TRIP12: variants seen among roughly 807,000 people sequenced by gnomAD.
TRIP12 encodes E3 ubiquitin-protein ligase TRIP12.
Under a neutral mutation model 244.2 loss-of-function variants are expected in TRIP12, and 25 were observed. The ratio of observed to expected loss-of-function variants is 0.10; its 90% CI spans 0.07 to 0.14. The LOEUF (loss-of-function observed/expected upper bound fraction) is 0.14. TRIP12 is among the 10% of genes least tolerant of loss of function. TRIP12 has a pLI of 1.00. For missense variants in TRIP12, 1,677 were observed against 2,486.4 expected, an observed-to-expected ratio of 0.67 and a Z score of 6.92; for synonymous variants, 905 against 873.1, an observed-to-expected ratio of 1.04 and a Z score of -0.64.
intron 4 of TRIP12, among the ~76,000 whole-genome samples, chr2:229,850,748 C>A (rs2058506132): frequency 6.6e-6 from 1 of 152,352 alleles, no homozygotes; most frequent in African/African-American, 2.4e-5. Flanking sequence ...GGGGGCTGCA[C>A]CCGGCGCTTG....
chr2:229,809,515 G>C (rs2046737928), intron 15 of TRIP12, among the ~76,000 whole-genome samples: 1 of 152,166 alleles, frequency 6.6e-6, no homozygotes, highest in African/African-American at 2.4e-5. Flanking sequence ...TCCCAAACTA[G>C]TATTTAGGGA....
intron 4 of TRIP12, among the ~76,000 whole-genome samples, chr2:229,856,478 A>C (rs1440168037): frequency 6.6e-6 from 1 of 152,216 alleles, no homozygotes; most frequent in African/African-American, 2.4e-5. Context: ...TCAAGTTAAC[A>C]GACTATATAA....
Position 229,803,564 on chromosome 2 carries a change from A to G in TRIP12, c.2998+7T>C, listed in dbSNP as rs1482504978. On this transcript the variant is annotated splice_region_variant and intron_variant, in intron 20 of 41. Transcript: ENST00000675903. ...GACTAAATGACTATTAATTTATATG[A>G]CATTACCTTCTCTTCTGAAGTAAAC... is the stretch of plus-strand genomic sequence containing the variant. The G allele has an allele frequency of 2.6e-6, 4 of 1,553,800 alleles. No individual in the cohort carries two copies. Among genetic ancestry groups the G allele is most frequent in the African/African-American group, 2.7e-5 (2 of 73,248 alleles).
intron 41 of TRIP12, among the ~76,000 whole-genome samples, chr2:229,768,271 A>G (rs1303543455): frequency 6.6e-6 from 1 of 152,220 alleles, no homozygotes; most frequent in Non-Finnish European, 1.5e-5. Flanking sequence ...TCAAAAAACA[A>G]AACAAAAACA....
intron 8 of TRIP12, among the ~76,000 whole-genome samples, chr2:229,827,853 T>C (rs2052165399): frequency 6.6e-6 from 1 of 152,176 alleles, no homozygotes; most frequent in Non-Finnish European, 1.5e-5. Context: ...ATTAGTGTTA[T>C]TATAGTTAGG....
intron 4 of TRIP12, among the ~76,000 whole-genome samples, chr2:229,841,585 A>G (rs2056433463): frequency 6.6e-6 from 1 of 152,202 alleles, no homozygotes; most frequent in Non-Finnish European, 1.5e-5. Flanking sequence ...AACAATAAGA[A>G]AGCCAAGACA....
At chr2:229,793,227 C>T (rs1324942741) in intron 26 of TRIP12, 82 bp from the exon 27 acceptor site, 1 of 1,385,900 alleles carries the variant, frequency 7.2e-7, no homozygotes, top group Non-Finnish European at 9.7e-7. Context: ...CAAGTTAATA[C>T]AAACTGCATT....
chr2:229,916,401 A>G (rs2075378088), intron 1 of TRIP12, among the ~76,000 whole-genome samples: 1 of 152,178 alleles, frequency 6.6e-6, no homozygotes, highest in South Asian at 2.1e-4. Context: ...ATCAAGCATA[A>G]CCATGATAGC....
At chr2:229,922,591 A>G (rs1305044394), upstream of TRIP12, 2 of 1,614,004 alleles carry the variant, frequency 1.2e-6, no homozygotes, top group Non-Finnish European at 1.7e-6. Context: ...ATTACCAGTT[A>G]CTGGTCACCC....
At chr2:229,799,434 T>A in intron 21 of TRIP12, 51 bp from the exon 22 acceptor site, 1 of 1,517,406 alleles carries the variant, frequency 6.6e-7, no homozygotes, top group East Asian at 2.3e-5. Context: ...CTGTTTTATA[T>A]CTTCACTCAC....
At chr2:229,805,689 G>C (rs1158830918) in intron 18 of TRIP12, 41 bp downstream of exon 18, 9 of 1,458,770 alleles carry the variant, frequency 6.2e-6, no homozygotes, top group Non-Finnish European at 7.4e-6. Flanking sequence ...ACAAAATATT[G>C]CACAATAGTA....
At position 229,904,748 on chromosome 2, in the gene TRIP12, C is replaced by T. The variant is rs527287262; in HGVS notation, c.-50+17132G>A. On this transcript the variant is annotated intron_variant, in intron 1 of 41. Coordinates refer to ENST00000675903, the MANE Select transcript of TRIP12 (RefSeq NM_001348323.3). ...AAAGCATAAGTTTTAAAAAGTCATT[C>T]GCTACATGTTACGTGACACCCTGGA... 4.6e-5 allele frequency among the ~76,000 whole-genome samples: 7 copies of T among 152,132 alleles called. No individual in the cohort carries two copies. The South Asian group carries it at 6.2e-4, about 14-fold the overall frequency.
chr2:229,814,417 G>C (rs930944169), intron 11 of TRIP12, 92 bp from the exon 12 acceptor site: 2 of 1,235,206 alleles, frequency 1.6e-6, no homozygotes, highest in African/African-American at 3.0e-5. Flanking sequence ...TTACATCCAT[G>C]TATACTATCT....
chr2:229,839,492 A>G (rs913078165), intron 5 of TRIP12, among the ~76,000 whole-genome samples: 14 of 152,044 alleles, frequency 9.2e-5, no homozygotes, highest in Admixed American at 8.5e-4. Flanking sequence ...CCCGGTTAAC[A>G]TGGTGAAAAC....
intron 25 of TRIP12, 24 bp from the exon 26 acceptor site, chr2:229,795,354 G>A: frequency 6.3e-7 from 1 of 1,592,092 alleles, no homozygotes; most frequent in Non-Finnish European, 8.6e-7. Flanking sequence ...TAAACAAACA[G>A]GTTAAACAAA....
chr2:229,920,968 T>A (rs77037864), intron 1 of TRIP12, among the ~76,000 whole-genome samples: 10 of 152,142 alleles, frequency 6.6e-5, no homozygotes, highest in African/African-American at 1.7e-4. Context: ...ATAAATAAAT[T>A]AATCGCCTGA....
chr2:229,796,577 A>G lies in TRIP12; in HGVS notation c.3816+14T>C. ...GATTCTTAAAAGATACACAGGCATT[A>G]TTAGATAACTTACTGGAGAAGAAAA... On this transcript the variant is annotated intron_variant, in intron 25 of 41. Transcript: ENST00000675903. 1 of 1,565,600 alleles carries G rather than the reference A, an allele frequency of 6.4e-7. No homozygotes were observed. Among genetic ancestry groups the G allele is most frequent in the South Asian group, 1.2e-5 (1 of 81,710 alleles).
At position 229,798,947 on chromosome 2, in the gene TRIP12, A is replaced by G. The variant is rs1231934651; in HGVS notation, c.3410T>C (p.Ile1137Thr). ...ACCTCCCGCAGTCCGTGCTGGCTCA[A>G]TGTTGTTGCTGTTGGACTGTGTACT... ...RLSTQSNSNNIEPARTAGGSG... is the reference protein window; with the variant it reads ...RLSTQSNSNNTEPARTAGGSG... The change falls in exon 23 of 42, where the codon ATT (isoleucine) becomes ACT (threonine). Residue 1137 changes from isoleucine (I) to threonine (T), a missense_variant. Physicochemically the swap from Ile to Thr is moderately conservative, Grantham distance 89. Transcript: ENST00000675903. 2 of 1,614,064 alleles carry G rather than the reference A, an allele frequency of 1.2e-6. No individual in the cohort carries two copies. Among genetic ancestry groups the G allele is most frequent in the Admixed American group, 1.7e-5 (1 of 60,008 alleles).
chr2:229,880,207 G>C (rs996710353), intron 1 of TRIP12, 79 bp from the exon 2 acceptor site: 31 of 871,700 alleles, frequency 3.6e-5, no homozygotes, highest in Non-Finnish European at 5.2e-5. Flanking sequence ...AACTTACGGT[G>C]ACATGGAAAT....
Sources: gnomAD v4.1 joint callset for allele counts (sites outside exome capture counted in the v4.1 genomes callset) on GRCh38, gnomAD v4.1.1 for gene constraint, MANE v1.5 for transcripts, NCBI Gene and HGNC (gene_info 2026-07-23, HGNC 2026-07-21) for gene names.